IBTK: variants seen among roughly 807,000 people sequenced by gnomAD.
The protein encoded by IBTK is BTK-binding protein.
A neutral mutation model predicts 154.9 loss-of-function variants in IBTK; 83 were observed. That is an observed-to-expected ratio of 0.54 (90% CI 0.45 to 0.64). The LOEUF (loss-of-function observed/expected upper bound fraction) is 0.64. Ranked by LOEUF, IBTK falls within the 30% of genes least tolerant of loss-of-function variation. The pLI, the probability that IBTK is intolerant of heterozygous loss-of-function variation, is 0.00. For missense variants in IBTK, 1,332 were observed against 1,584.6 expected (o/e 0.84, Z 2.71); for synonymous variants, 515 against 536.1 (o/e 0.96, Z 0.54).
At chr6:82,213,919 AG>A (rs1769754999) in intron 12 of IBTK, among the ~76,000 whole-genome samples, 1 of 151,322 alleles carries the variant, frequency 6.6e-6, no homozygotes, top group Non-Finnish European at 1.5e-5. Flanking sequence ...AGACTTGGGG[AG>A]GGGAAAGAAA....
In IBTK at chr6:82,194,499, A is replaced by G. The variant is rs1197374881; in HGVS notation, c.3318T>C (p.Ser1106=). 3.2e-6 allele frequency: 5 copies of G among 1,582,212 alleles called. No homozygotes were observed. The highest frequency in any genetic ancestry group is 2.7e-5 in the African/African-American group (2 of 73,778). The change falls in exon 23 of 29, where the codon AGT becomes AGC. Residue 1106 remains serine (S), a synonymous_variant. Coordinates refer to ENST00000306270, the MANE Select transcript of IBTK (RefSeq NM_015525.4). ...SNRIDTTSSA[S]WVAGSFSPVS... Reference sequence around the variant, plus strand: ...CCTACCTGAAAGAACCAGCAACCCAACTGGCAGAGCTGGTAGTATCAATTC... The same window carrying G: ...CCTACCTGAAAGAACCAGCAACCCAGCTGGCAGAGCTGGTAGTATCAATTC...
intron 4 of IBTK, among the ~76,000 whole-genome samples, chr6:82,230,416 A>G (rs1770462912): frequency 6.6e-6 from 1 of 152,224 alleles, no homozygotes; most frequent in African/African-American, 2.4e-5. Flanking sequence ...AGATAAACAC[A>G]TAATTAGCTC....
intron 17 of IBTK, among the ~76,000 whole-genome samples, chr6:82,204,500 A>G (rs1769323894): frequency 6.6e-6 from 1 of 152,156 alleles, no homozygotes; most frequent in African/African-American, 2.4e-5. Context: ...ATAGTAGAAA[A>G]TGGGTAGCTA....
At position 82,247,672 on chromosome 6, in the gene IBTK, C is replaced by T; in HGVS notation, c.-468G>A. On this transcript the variant is annotated 5_prime_UTR_variant, in exon 1 of 29. Coordinates refer to ENST00000306270, the MANE Select transcript of IBTK (RefSeq NM_015525.4). ...AGAAACCGAACGGCGCCAGAGGGGC[C>T]AGTCCCCAGACCCGGGTCAGTTCGG... 2 of 398,900 alleles carry T rather than the reference C, an allele frequency of 5.0e-6. No homozygotes were observed. Among genetic ancestry groups the T allele is most frequent in the East Asian group, 7.1e-5 (2 of 28,070 alleles). 24.7% of individuals were successfully genotyped at this position (398,900 alleles called of 1,614,324 possible). A position where few individuals can be genotyped will look rare whatever the true frequency, so the allele number is the denominator to read the frequency against.
chr6:82,191,526 C>A (rs543985319), intron 24 of IBTK: 4 of 572,244 alleles, frequency 7.0e-6, no homozygotes, highest in African/African-American at 3.8e-5. Context: ...GCTTTTGTAG[C>A]CAATAGTCCA....
At chr6:82,203,130 T>C (rs1473160814) in intron 17 of IBTK, among the ~76,000 whole-genome samples, 2 of 152,116 alleles carry the variant, frequency 1.3e-5, no homozygotes, top group South Asian at 4.1e-4. Context: ...GGTGTATATA[T>C]ATACATGTAA....
chr6:82,231,113 T>C (rs1239578670), intron 4 of IBTK, among the ~76,000 whole-genome samples: 1 of 152,160 alleles, frequency 6.6e-6, no homozygotes, highest in East Asian at 1.9e-4. Context: ...AATAATTAAA[T>C]AGAATGACTG....
chr6:82,216,510 GC>G (rs1378032336), intron 10 of IBTK, among the ~76,000 whole-genome samples: 8 of 152,054 alleles, frequency 5.3e-5, no homozygotes. Context: ...CCTCCATACT[GC>G]AACCAAAGTT....
chr6:82,191,569 G>A, intron 24 of IBTK: 1 of 622,538 alleles, frequency 1.6e-6, no homozygotes, highest in African/African-American at 1.8e-5. Flanking sequence ...TTTCTGGGAT[G>A]TAATACTGTA....
At chr6:82,210,463 C>T (rs911025102) in intron 16 of IBTK, 1 of 152,466 alleles carries the variant, frequency 6.6e-6, no homozygotes, top group Non-Finnish European at 1.5e-5. Context: ...AGTTCATTTT[C>T]ACATGGGTAA....
At chr6:82,181,321 G>T (rs1768310441) in intron 26 of IBTK, among the ~76,000 whole-genome samples, 1 of 152,250 alleles carries the variant, frequency 6.6e-6, no homozygotes, top group African/African-American at 2.4e-5. Context: ...CATTGATGTG[G>T]TATACCCATA....
Position 82,200,591 on chromosome 6 carries a change from G to A in IBTK, c.2908C>T (p.His970Tyr), listed in dbSNP as rs772890001. Residue 970 changes from histidine (H) to tyrosine (Y), a missense_variant, in exon 20 of 29, where the codon CAT (histidine) becomes TAT (tyrosine). Physicochemically the swap from His to Tyr is moderately conservative, Grantham distance 83 (BLOSUM62 2). Coordinates refer to ENST00000306270, the MANE Select transcript of IBTK (RefSeq NM_015525.4). ...LKEEINMEQN[H>Y]SETMFKKAKT... ...AAAAAAAAGAAAACAGCTTACGAAT[G>A]ATTTTGTTCCATATTTATTTCTTCT... 9.1e-6 allele frequency: 14 copies of A among 1,544,940 alleles called. No individual in the cohort carries two copies. In the Admixed American group the frequency reaches 3.1e-4, roughly 34 times the overall value.
chr6:82,194,610 A>G lies in IBTK; in HGVS notation c.3207T>C (p.Ser1069=). Residue 1069 remains serine (S), a synonymous_variant, in exon 23 of 29, where the codon TCT becomes TCC. Coordinates refer to ENST00000306270, the MANE Select transcript of IBTK (RefSeq NM_015525.4). ...AKVKPYVNGT[S]PVYSREDLKP... is the part of the protein sequence containing the mutation. ...TTAAATCTTCCCTAGAATACACAGG[A>G]GATGTACCATTAACATACGGTTTGA... 1 of 1,600,484 alleles carries G rather than the reference A, an allele frequency of 6.2e-7. No individual in the cohort carries two copies. Among genetic ancestry groups the G allele is most frequent in the Non-Finnish European group, 8.5e-7 (1 of 1,174,482 alleles).
chr6:82,173,788 A>T (rs193066910), intron 26 of IBTK, among the ~76,000 whole-genome samples: 2 of 151,650 alleles, frequency 1.3e-5, no homozygotes, highest in East Asian at 3.9e-4. Flanking sequence ...ATAGGACAGA[A>T]ATATAAAATA....
At chr6:82,176,850 T>C (rs1445024784) in intron 26 of IBTK, among the ~76,000 whole-genome samples, 1 of 152,260 alleles carries the variant, frequency 6.6e-6, no homozygotes, top group East Asian at 1.9e-4. Flanking sequence ...TCCTATCTTC[T>C]TAACTCCCAC....
chr6:82,182,923 G>T (rs1768372221), intron 25 of IBTK, among the ~76,000 whole-genome samples: 1 of 152,168 alleles, frequency 6.6e-6, no homozygotes, highest in African/African-American at 2.4e-5. Context: ...GCCTTGAAAT[G>T]ACTATAGCCC....
chr6:82,222,789 C>T (rs1495559), intron 8 of IBTK, among the ~76,000 whole-genome samples: 33,379 of 151,484 alleles, frequency 0.22, 3,668 homozygotes, highest in South Asian at 0.25. Context: ...TGAAGCTGGG[C>T]GCAGTGGCTC....
At chr6:82,211,336 C>T (rs1382155611) in intron 15 of IBTK, 31 bp downstream of exon 15, 9 of 1,555,732 alleles carry the variant, frequency 5.8e-6, no homozygotes, top group African/African-American at 4.1e-5. Context: ...AACATAGTTA[C>T]CAACCTAGGC....
chr6:82,215,612 C>A (rs1328194020), intron 11 of IBTK, among the ~76,000 whole-genome samples: 1 of 151,818 alleles, frequency 6.6e-6, no homozygotes, highest in Non-Finnish European at 1.5e-5. Flanking sequence ...CAGGGCAAAA[C>A]CCCATCTCTA....
Sources: gnomAD v4.1 joint callset for allele counts (sites outside exome capture counted in the v4.1 genomes callset) on GRCh38, gnomAD v4.1.1 for gene constraint, MANE v1.5 for transcripts, NCBI Gene and HGNC (gene_info 2026-07-23, HGNC 2026-07-21) for gene names.